Variants in ADAMTSL1 observed in about 807,000 individuals in gnomAD.
The protein encoded by ADAMTSL1 is ADAMTS-like protein 1.
Under a neutral mutation model 201.8 loss-of-function variants are expected in ADAMTSL1, and 126 were observed. The observed-to-expected ratio is 0.62, with a 90% CI of 0.54 to 0.72. The LOEUF is 0.72. Among genes scored for constraint, ADAMTSL1 ranks in the 30% least tolerant of loss-of-function variants. The probability of loss-of-function intolerance (pLI) is 0.00; values close to 1 mark genes in which losing one functional copy is unlikely to be tolerated. For missense variants in ADAMTSL1, 2,679 were observed against 2,277.8 expected (o/e 1.18, Z -3.59); for synonymous variants, 1,121 against 903.4 (o/e 1.24, Z -4.32).
intron 1 of ADAMTSL1, among the ~76,000 whole-genome samples, chr9:18,034,680 C>G (rs939667159): frequency 6.6e-6 from 1 of 152,100 alleles, no homozygotes; most frequent in African/African-American, 2.4e-5. Flanking sequence ...CTGTGTCATT[C>G]GTGCCTTCAT....
chr9:18,032,817 G>C (rs949727874), intron 1 of ADAMTSL1, among the ~76,000 whole-genome samples: 3 of 152,052 alleles, frequency 2.0e-5, no homozygotes, highest in Non-Finnish European at 4.4e-5. Flanking sequence ...TGGGTTTTTT[G>C]GAGTTCCTTT....
intron 2 of ADAMTSL1, among the ~76,000 whole-genome samples, chr9:18,433,855 T>C (rs888714642): frequency 2.0e-5 from 3 of 152,336 alleles, no homozygotes; most frequent in African/African-American, 7.2e-5. Context: ...TCCTGACATA[T>C]AGAAAATGGA....
intron 1 of ADAMTSL1, among the ~76,000 whole-genome samples, chr9:18,501,503 C>CAAAAAAAAAAA (rs397894789): frequency 1.1e-5 from 1 of 93,086 alleles, no homozygotes; most frequent in African/African-American, 5.1e-5. Context: ...GACACGGTCT[C>CAAAAAAAAAAA]AAAAAAAAAA....
intron 2 of ADAMTSL1, among the ~76,000 whole-genome samples, chr9:18,196,382 A>G (rs750862693): frequency 6.1e-4 from 93 of 152,188 alleles, no homozygotes; most frequent in Non-Finnish European, 1.2e-3. Context: ...AGTTCTGGAA[A>G]ACTTAGCTCA....
intron 20 of ADAMTSL1, among the ~76,000 whole-genome samples, chr9:18,812,211 A>T (rs1005167443): frequency 1.3e-5 from 2 of 152,234 alleles, no homozygotes; most frequent in Non-Finnish European, 2.9e-5. Flanking sequence ...ATTGTGTGAT[A>T]TTGGTAGAGG....
chr9:18,368,529 CAA>C (rs745482301), intron 2 of ADAMTSL1, among the ~76,000 whole-genome samples: 1 of 152,162 alleles, frequency 6.6e-6, no homozygotes. Flanking sequence ...GAAATTGACT[CAA>C]AGAGGGCAAG....
At position 18,617,429 on chromosome 9, in the gene ADAMTSL1, C is replaced by A. The variant is rs910324038; in HGVS notation, c.475-4814C>A. Reference sequence around the variant, plus strand: ...CTACTGCAGGCCTGATGCCTAAAATCTGCACGACATACTAAGTCTCTGAGC... The same window carrying A: ...CTACTGCAGGCCTGATGCCTAAAATATGCACGACATACTAAGTCTCTGAGC... On this transcript the variant is annotated intron_variant, in intron 4 of 28. Transcript: ENST00000380548. 2.0e-5 allele frequency among the ~76,000 whole-genome samples: 3 copies of A among 149,232 alleles called. No homozygotes were observed. The East Asian group carries it at 5.9e-4, about 29-fold the overall frequency.
chr9:17,942,267 T>C (rs1048421507), intron 1 of ADAMTSL1, among the ~76,000 whole-genome samples: 1 of 152,116 alleles, frequency 6.6e-6, no homozygotes, highest in Non-Finnish European at 1.5e-5. Context: ...TTTAATGCCA[T>C]TGAATTGTAT....
At chr9:18,259,277 C>T (rs189884831) in intron 2 of ADAMTSL1, among the ~76,000 whole-genome samples, 42 of 152,218 alleles carry the variant, frequency 2.8e-4, no homozygotes, top group East Asian at 9.7e-4. Flanking sequence ...TCCTCATCTA[C>T]GCTTTGGGAA....
At chr9:18,605,300 C>T (rs1208883963) in intron 4 of ADAMTSL1, among the ~76,000 whole-genome samples, 1 of 152,164 alleles carries the variant, frequency 6.6e-6, no homozygotes, top group Admixed American at 6.6e-5. Context: ...CAGGCTGAAT[C>T]CACATCTGCA....
rs763234966 is a variant in ADAMTSL1, at chr9:18,635,971, T to C, written c.630T>C (p.Tyr210=). 2 of 1,602,052 alleles carry C rather than the reference T, an allele frequency of 1.2e-6. No individual in the cohort carries two copies. The highest frequency in any genetic ancestry group is 1.3e-5 in the African/African-American group (1 of 74,144). The change falls in exon 6 of 29, where the codon TAT becomes TAC. Residue 210 remains tyrosine, a synonymous_variant. Coordinates refer to ENST00000380548, the MANE Select transcript of ADAMTSL1 (RefSeq NM_001040272.6). ...ATGATACTGTGGTTGCAATTCCCTA[T>C]GGAAGTAGACATATTCGCCTTGTCT... ...KSDDTVVAIP[Y]GSRHIRLVLK...
rs1440485916 is a variant in ADAMTSL1, at chr9:17,913,894, T to A, written c.87+6972T>A. On this transcript the variant is annotated intron_variant, in intron 1 of 29. Transcript: ENST00000680146. ...ACCATCAGAGAATACTGCAAACACCTCTACGCAAATAAACTAGAAAATCTA... is the reference window on the plus strand; with the variant it reads ...ACCATCAGAGAATACTGCAAACACCACTACGCAAATAAACTAGAAAATCTA... Among the ~76,000 whole-genome samples the A allele has an allele frequency of 5.9e-5, 9 of 152,196 alleles. No homozygotes were observed. In the East Asian group the frequency reaches 1.7e-3, roughly 29 times the overall value.
At chr9:17,924,251 G>T (rs1245698677) in intron 1 of ADAMTSL1, among the ~76,000 whole-genome samples, 2 of 151,972 alleles carry the variant, frequency 1.3e-5, no homozygotes, top group Non-Finnish European at 2.9e-5. Flanking sequence ...AATCCATCTG[G>T]TCCTGGACTC....
intron 16 of ADAMTSL1, among the ~76,000 whole-genome samples, chr9:18,766,374 C>A (rs1353728790): frequency 6.6e-6 from 1 of 152,094 alleles, no homozygotes; most frequent in Admixed American, 6.5e-5. Flanking sequence ...ATTGTGTGAT[C>A]ACATTTATGC....
intron 13 of ADAMTSL1, among the ~76,000 whole-genome samples, chr9:18,698,375 C>G (rs532747117): frequency 6.6e-6 from 1 of 152,230 alleles, no homozygotes; most frequent in East Asian, 1.9e-4. Flanking sequence ...CCTCCACCTC[C>G]TGAGTTCAAG....
chr9:18,569,275 G>A (rs1049204961), intron 3 of ADAMTSL1, among the ~76,000 whole-genome samples: 1 of 152,112 alleles, frequency 6.6e-6, no homozygotes, highest in Non-Finnish European at 1.5e-5. Context: ...AATTATAATG[G>A]GAGCAAATAA....
At chr9:18,195,745 A>G (rs548316956) in intron 2 of ADAMTSL1, among the ~76,000 whole-genome samples, 5 of 152,160 alleles carry the variant, frequency 3.3e-5, no homozygotes, top group Non-Finnish European at 5.9e-5. Flanking sequence ...GGTAATGGAC[A>G]TAAGACATTA....
At chr9:18,538,459 C>T (rs1263450877) in intron 3 of ADAMTSL1, among the ~76,000 whole-genome samples, 1 of 152,044 alleles carries the variant, frequency 6.6e-6, no homozygotes, top group Admixed American at 6.6e-5. Flanking sequence ...TCCCGTCCAC[C>T]TCTGAAATTC....
At chr9:17,972,881 T>C (rs1234226681) in intron 1 of ADAMTSL1, among the ~76,000 whole-genome samples, 1 of 146,844 alleles carries the variant, frequency 6.8e-6, no homozygotes, top group African/African-American at 2.5e-5. Flanking sequence ...TGGTATCTCA[T>C]TGTGGTTTTG....
Sources: gnomAD v4.1 joint callset for allele counts (sites outside exome capture counted in the v4.1 genomes callset) on GRCh38, gnomAD v4.1.1 for gene constraint, MANE v1.5 for transcripts, NCBI Gene and HGNC (gene_info 2026-07-23, HGNC 2026-07-21) for gene names.